The following AKAP6 variants were observed in gnomAD, a reference collection of about 807,000 sequenced individuals.
The protein encoded by AKAP6 is A-kinase anchor protein 6.
A neutral mutation model predicts 188.5 loss-of-function variants in AKAP6; 58 were observed. The observed-to-expected ratio is 0.31, with a 90% confidence interval of 0.25 to 0.38. The LOEUF (loss-of-function observed/expected upper bound fraction) is 0.38. Ranked by LOEUF, AKAP6 falls within the 10% of genes least tolerant of loss-of-function variation. The pLI, the probability that AKAP6 is intolerant of heterozygous loss-of-function variation, is 1.00. For synonymous variants in AKAP6, 989 were observed against 998.6 expected (o/e 0.99, Z 0.18); for missense variants, 2,710 against 2,740.0 (o/e 0.99, Z 0.24).
At chr14:32,660,787 T>C (rs1279763434) in intron 7 of AKAP6, among the ~76,000 whole-genome samples, 1 of 152,016 alleles carries the variant, frequency 6.6e-6, no homozygotes, top group Non-Finnish European at 1.5e-5. Context: ...TAAACTGGGG[T>C]GAGGGAAGTG....
chr14:32,433,353 T>A (rs534203170), intron 1 of AKAP6, 107 bp from the exon 2 acceptor site: 11 of 799,640 alleles, frequency 1.4e-5, no homozygotes, highest in Non-Finnish European at 2.1e-5. Context: ...GTTTCTTAAT[T>A]TAGAAATCTG....
intron 1 of AKAP6, among the ~76,000 whole-genome samples, chr14:32,364,343 C>T (rs10467754): frequency 0.043 from 6,603 of 152,110 alleles, 461 homozygotes; most frequent in African/African-American, 0.15. Context: ...TTACCACAAC[C>T]AGGACCCTTG....
At chr14:32,537,026 A>G (rs1882714252) in intron 3 of AKAP6, among the ~76,000 whole-genome samples, 1 of 152,228 alleles carries the variant, frequency 6.6e-6, no homozygotes, top group African/African-American at 2.4e-5. Context: ...AGGCCTTATA[A>G]TGAGTGTTGC....
chr14:32,350,578 G>A (rs1566457489), intron 1 of AKAP6, among the ~76,000 whole-genome samples: 2 of 152,132 alleles, frequency 1.3e-5, no homozygotes. Flanking sequence ...TACAAATAAA[G>A]TCTGGAGTTT....
At chr14:32,748,376 G>T (rs1484095154) in intron 11 of AKAP6, among the ~76,000 whole-genome samples, 1 of 152,156 alleles carries the variant, frequency 6.6e-6, no homozygotes, top group Non-Finnish European at 1.5e-5. Flanking sequence ...TTAAGAAGTG[G>T]TTGTGAGTGT....
At chr14:32,443,407 C>A (rs11628487) in intron 2 of AKAP6, among the ~76,000 whole-genome samples, 86,194 of 136,062 alleles carry the variant, frequency 0.63, 25,463 homozygotes, top group African/African-American at 0.66. Context: ...CAAAACAAAA[C>A]AAAAAAAAAA....
chr14:32,827,538 A>G (rs759472631), intron 13 of AKAP6, among the ~76,000 whole-genome samples: 1 of 152,224 alleles, frequency 6.6e-6, no homozygotes, highest in Non-Finnish European at 1.5e-5. Flanking sequence ...AAGTTTTAAC[A>G]TGATCTAACA....
chr14:32,615,484 T>A (rs906135376), intron 7 of AKAP6, among the ~76,000 whole-genome samples: 1 of 151,788 alleles, frequency 6.6e-6, no homozygotes, highest in Non-Finnish European at 1.5e-5. Context: ...AATTCTCTCT[T>A]AATGAAATAT....
At chr14:32,456,199 A>G (rs1179461821) in intron 2 of AKAP6, among the ~76,000 whole-genome samples, 1 of 152,172 alleles carries the variant, frequency 6.6e-6, no homozygotes, top group African/African-American at 2.4e-5. Context: ...ATTGGCCTAA[A>G]TGTTTTCACG....
At chr14:32,712,412 G>T (rs1352887579) in intron 9 of AKAP6, among the ~76,000 whole-genome samples, 1 of 151,926 alleles carries the variant, frequency 6.6e-6, no homozygotes, top group Non-Finnish European at 1.5e-5. Flanking sequence ...TTAAAATAAG[G>T]CAATGAAGTT....
At chr14:32,430,834 C>T (rs767815965) in intron 1 of AKAP6, among the ~76,000 whole-genome samples, 30 of 152,030 alleles carry the variant, frequency 2.0e-4, no homozygotes, top group East Asian at 5.8e-4. Flanking sequence ...GGGCTGGGTG[C>T]GGTGGCTCAT....
At chr14:32,477,253 C>G (rs943836945) in intron 2 of AKAP6, among the ~76,000 whole-genome samples, 3 of 152,162 alleles carry the variant, frequency 2.0e-5, no homozygotes, top group Non-Finnish European at 4.4e-5. Flanking sequence ...TCTCATGACC[C>G]TAACTTCCTT....
intron 9 of AKAP6, among the ~76,000 whole-genome samples, chr14:32,700,569 A>G (rs186579621): frequency 1.9e-3 from 286 of 152,332 alleles, no homozygotes; most frequent in Non-Finnish European, 3.2e-3. Context: ...ATAAGATTAT[A>G]ATACTATATT....
At chr14:32,807,631 T>G (rs931734980) in intron 12 of AKAP6, among the ~76,000 whole-genome samples, 1 of 152,208 alleles carries the variant, frequency 6.6e-6, no homozygotes, top group Non-Finnish European at 1.5e-5. Flanking sequence ...TTAATAATGG[T>G]TTCTTCTTGT....
At chr14:32,687,411 TC>T (rs1450376728) in intron 8 of AKAP6, among the ~76,000 whole-genome samples, 10 of 123,726 alleles carry the variant, frequency 8.1e-5, no homozygotes, top group Admixed American at 2.9e-4. Context: ...TCTCTCTCTC[TC>T]TCTCTCTCTC....
intron 12 of AKAP6, among the ~76,000 whole-genome samples, chr14:32,778,744 G>A (rs1443038419): frequency 7.1e-6 from 1 of 140,214 alleles, no homozygotes; most frequent in African/African-American, 2.7e-5. Context: ...ATGGGATCTC[G>A]CTATGTTGCG....
At chr14:32,816,344 C>T (rs1247694008) in intron 12 of AKAP6, among the ~76,000 whole-genome samples, 1 of 152,086 alleles carries the variant, frequency 6.6e-6, no homozygotes, top group Non-Finnish European at 1.5e-5. Context: ...AGGCACATGC[C>T]ACCATGCCTG....
intron 1 of AKAP6, among the ~76,000 whole-genome samples, chr14:32,342,586 T>G (rs1053921136): frequency 6.6e-6 from 1 of 152,154 alleles, no homozygotes; most frequent in African/African-American, 2.4e-5. Context: ...CCCTCCTATC[T>G]CCATGATCTT....
chr14:32,816,810 T>C (rs1458905168), intron 12 of AKAP6, among the ~76,000 whole-genome samples: 1 of 152,174 alleles, frequency 6.6e-6, no homozygotes, highest in African/African-American at 2.4e-5. Flanking sequence ...TTATATGTTA[T>C]TGTTGTGTTC....
Sources: gnomAD v4.1 joint callset for allele counts (sites outside exome capture counted in the v4.1 genomes callset) on GRCh38, gnomAD v4.1.1 for gene constraint, MANE v1.5 for transcripts, NCBI Gene and HGNC (gene_info 2026-07-23, HGNC 2026-07-21) for gene names.